ARID4B: variants seen among roughly 807,000 people sequenced by gnomAD.
ARID4B encodes AT-rich interactive domain-containing protein 4B.
A neutral mutation model predicts 147.5 loss-of-function variants in ARID4B; 26 were observed. The observed-to-expected ratio is 0.18, with a 90% CI of 0.13 to 0.24. The LOEUF is 0.24. ARID4B is among the 10% of genes least tolerant of loss of function. The pLI, the probability that ARID4B is intolerant of heterozygous loss-of-function variation, is 1.00. For synonymous variants in ARID4B, 512 were observed against 507.9 expected, an observed-to-expected ratio of 1.01 and a Z score of -0.11; for missense variants, 1,179 against 1,511.5, an observed-to-expected ratio of 0.78 and a Z score of 3.65.
rs768326215 is a variant in ARID4B, at chr1:235,220,531, A to T, written c.1178T>A (p.Phe393Tyr). 2 of 1,596,304 alleles carry T rather than the reference A, an allele frequency of 1.3e-6. No homozygotes were observed. The change falls in exon 15 of 24, where the codon TTT (phenylalanine) becomes TAT (tyrosine). Residue 393 changes from phenylalanine to tyrosine, a missense_variant. Coordinates refer to ENST00000264183, the MANE Select transcript of ARID4B (RefSeq NM_016374.6). Reference protein sequence around the residue: ...KCAYKKYLYGFEEYCRSANIE... With the variant: ...KCAYKKYLYGYEEYCRSANIE... Reference sequence around the variant, plus strand: ...GTTGGCTGATCTACAGTACTCCTCAAAACCATATAAGTATCTGGAAACATG... The same window carrying T: ...GTTGGCTGATCTACAGTACTCCTCATAACCATATAAGTATCTGGAAACATG...
At chr1:235,322,453 C>G (rs10802617) in intron 2 of ARID4B, among the ~76,000 whole-genome samples, 2 of 151,912 alleles carry the variant, frequency 1.3e-5, no homozygotes, top group South Asian at 4.1e-4. Context: ...CACCTTGTTT[C>G]GTTCATTTTC....
intron 19 of ARID4B, among the ~76,000 whole-genome samples, chr1:235,187,439 A>T (rs1240412436): frequency 6.6e-6 from 1 of 152,188 alleles, no homozygotes; most frequent in Non-Finnish European, 1.5e-5. Flanking sequence ...GATGATTAAG[A>T]ATGCCCTATT....
intron 2 of ARID4B, among the ~76,000 whole-genome samples, chr1:235,302,153 G>GAA (rs749154889): frequency 0.041 from 1,251 of 30,608 alleles, 68 homozygotes; most frequent in African/African-American, 0.11. Flanking sequence ...TCAAAAAACG[G>GAA]AAAAAAAAAA....
At chr1:235,217,851 T>C (rs574474351) in intron 16 of ARID4B, among the ~76,000 whole-genome samples, 2 of 152,252 alleles carry the variant, frequency 1.3e-5, no homozygotes, top group Middle Eastern at 3.4e-3. Context: ...AGTAAGCCCC[T>C]CTTATCTGCA....
intron 17 of ARID4B, among the ~76,000 whole-genome samples, chr1:235,201,320 C>T (rs895977594): frequency 4.6e-5 from 7 of 151,724 alleles, no homozygotes; most frequent in Admixed American, 6.6e-5. Flanking sequence ...TTAAGGAATA[C>T]GAGAATCTTC....
Position 235,229,151 on chromosome 1 carries a change from A to G in ARID4B, c.897+80T>C, listed in dbSNP as rs898906163. The G allele has an allele frequency of 1.2e-5, 18 of 1,493,758 alleles. No homozygotes were observed. In the Admixed American group the frequency reaches 2.9e-4, roughly 24 times the overall value. The allele number at this position is 1,493,758 out of a possible 1,614,324, so 92.5% of individuals were successfully genotyped here. Reference sequence around the variant, plus strand: ...ACTAAAAATACTTATATGAGTAATGACTTAATGCCAAATCCTAACCCACAA... The same window carrying G: ...ACTAAAAATACTTATATGAGTAATGGCTTAATGCCAAATCCTAACCCACAA... On this transcript the variant is annotated intron_variant, in intron 11 of 23. Coordinates refer to ENST00000264183, the MANE Select transcript of ARID4B (RefSeq NM_016374.6).
intron 13 of ARID4B, among the ~76,000 whole-genome samples, chr1:235,222,774 C>T (rs933562862): frequency 6.6e-6 from 1 of 151,344 alleles, no homozygotes; most frequent in African/African-American, 2.4e-5. Flanking sequence ...TCTCTGTCTC[C>T]TGGGTTCAAG....
In ARID4B at chr1:235,326,432, T is replaced by C. The variant is rs548471397; in HGVS notation, c.6+482A>G. ...ACAAGAAACAACTGGTATCTCTGAA[T>C]TGTGTAAAAAATCACAAAAATTCTC... On this transcript the variant is annotated intron_variant, in intron 2 of 23. Coordinates refer to ENST00000264183, the MANE Select transcript of ARID4B (RefSeq NM_016374.6). Among the ~76,000 whole-genome samples the C allele has an allele frequency of 5.9e-5, 9 of 152,290 alleles. 1 individual carries two copies. The South Asian group carries it at 1.7e-3, about 28-fold the overall frequency.
At chr1:235,223,108 G>T in intron 13 of ARID4B, 58 bp downstream of exon 13, 2 of 1,154,422 alleles carry the variant, frequency 1.7e-6, no homozygotes, top group Non-Finnish European at 2.5e-6. Flanking sequence ...AGAGATGGCA[G>T]ATACCTGAGA....
At chr1:235,311,644 C>T (rs540645181) in intron 2 of ARID4B, among the ~76,000 whole-genome samples, 16 of 151,960 alleles carry the variant, frequency 1.1e-4, no homozygotes, top group African/African-American at 2.9e-4. Context: ...TGTGATGGCA[C>T]GGGACTGTAG....
intron 22 of ARID4B, among the ~76,000 whole-genome samples, chr1:235,173,212 C>T (rs1202556954): frequency 2.6e-5 from 4 of 152,038 alleles, no homozygotes; most frequent in African/African-American, 9.7e-5. Context: ...GGCATGGTGG[C>T]GGGTGCCTGC....
chr1:235,304,258 G>A (rs1009056511), intron 2 of ARID4B, among the ~76,000 whole-genome samples: 16 of 152,142 alleles, frequency 1.1e-4, no homozygotes, highest in African/African-American at 3.6e-4. Context: ...TGAGGTGGGT[G>A]GATCACTTGA....
intron 2 of ARID4B, among the ~76,000 whole-genome samples, chr1:235,302,153 GAAAAAAA>G (rs749154889): frequency 4.6e-4 from 14 of 30,658 alleles, no homozygotes; most frequent in African/African-American, 1.3e-3. Context: ...TCAAAAAACG[GAAAAAAA>G]AAAAAAAAAA....
intron 2 of ARID4B, among the ~76,000 whole-genome samples, chr1:235,289,314 A>T (rs1672177829): frequency 6.6e-6 from 1 of 152,252 alleles, no homozygotes; most frequent in East Asian, 1.9e-4. Context: ...AAATACACAA[A>T]GCAAATATAT....
chr1:235,174,468 T>C (rs1558166840), intron 22 of ARID4B, among the ~76,000 whole-genome samples: 1 of 152,138 alleles, frequency 6.6e-6, no homozygotes, highest in African/African-American at 2.4e-5. Context: ...TCTATTAAGT[T>C]TGGTAAAGCC....
At chr1:235,268,569 C>T (rs2103135942) in intron 2 of ARID4B, among the ~76,000 whole-genome samples, 1 of 152,142 alleles carries the variant, frequency 6.6e-6, no homozygotes, top group Middle Eastern at 3.4e-3. Context: ...TGCTCTGTTG[C>T]CCAGGCTGGA....
At chr1:235,172,876 A>C in intron 22 of ARID4B, 112 bp from the exon 23 acceptor site, 3 of 851,562 alleles carry the variant, frequency 3.5e-6, no homozygotes, top group Non-Finnish European at 3.4e-6. Context: ...ATGAACTAAA[A>C]AACTAAGGCT....
chr1:235,308,845 C>T (rs1037157004), intron 2 of ARID4B, among the ~76,000 whole-genome samples: 1 of 152,220 alleles, frequency 6.6e-6, no homozygotes, highest in Non-Finnish European at 1.5e-5. Context: ...CTCCCAGCCA[C>T]CTGCCTTGGC....
chr1:235,225,083 C>A (rs1667741089), intron 11 of ARID4B, among the ~76,000 whole-genome samples: 1 of 151,864 alleles, frequency 6.6e-6, no homozygotes, highest in African/African-American at 2.4e-5. Context: ...GTTTTTTTTA[C>A]CATATGAGAG....
Sources: gnomAD v4.1 joint callset for allele counts (sites outside exome capture counted in the v4.1 genomes callset) on GRCh38, gnomAD v4.1.1 for gene constraint, MANE v1.5 for transcripts, NCBI Gene and HGNC (gene_info 2026-07-23, HGNC 2026-07-21) for gene names.